Variants in FGF12 observed in about 807,000 individuals in gnomAD.
The protein encoded by FGF12 is fibroblast growth factor 12.
A neutral mutation model predicts 23.6 loss-of-function variants in FGF12; 14 were observed. The ratio of observed to expected loss-of-function variants is 0.59; its 90% CI spans 0.39 to 0.93. The LOEUF is 0.93. FGF12 is among the 40% of genes least tolerant of loss of function. The pLI, the probability that FGF12 is intolerant of heterozygous loss-of-function variation, is 0.00. For missense variants in FGF12, 175 were observed against 217.8 expected (o/e 0.80, Z 1.24); for synonymous variants, 62 against 77.3 (o/e 0.80, Z 1.04).
chr3:192,222,429 T>C (rs1718524778), intron 4 of FGF12, among the ~76,000 whole-genome samples: 1 of 152,154 alleles, frequency 6.6e-6, no homozygotes, highest in South Asian at 2.1e-4. Context: ...AACATGATTA[T>C]TGGATTCCAG....
At chr3:192,159,013 A>C (rs1714714334) in intron 5 of FGF12, among the ~76,000 whole-genome samples, 1 of 152,048 alleles carries the variant, frequency 6.6e-6, no homozygotes, top group Non-Finnish European at 1.5e-5. Context: ...TGTTCCCATC[A>C]GTATATGAAT....
intron 2 of FGF12, among the ~76,000 whole-genome samples, chr3:192,555,847 T>A (rs1037300819): frequency 6.6e-6 from 1 of 151,682 alleles, no homozygotes; most frequent in Non-Finnish European, 1.5e-5. Context: ...GCATAGTGTG[T>A]GCACGGGGAG....
At chr3:192,522,185 G>A (rs1398804486) in intron 2 of FGF12, among the ~76,000 whole-genome samples, 1 of 141,214 alleles carries the variant, frequency 7.1e-6, no homozygotes, top group African/African-American at 2.7e-5. Context: ...GCGACAGAGC[G>A]AGACTCCGTC....
chr3:192,246,901 GAAGA>G (rs928903638), intron 4 of FGF12, among the ~76,000 whole-genome samples: 1 of 138,626 alleles, frequency 7.2e-6, no homozygotes, highest in Non-Finnish European at 1.5e-5. Flanking sequence ...GAGGAAGAAA[GAAGA>G]AAGAAAGAGA....
At chr3:192,250,152 T>C (rs1711911390) in intron 4 of FGF12, among the ~76,000 whole-genome samples, 1 of 152,224 alleles carries the variant, frequency 6.6e-6, no homozygotes, top group African/African-American at 2.4e-5. Context: ...ATATTAAATC[T>C]GACATAATAA....
intron 4 of FGF12, among the ~76,000 whole-genome samples, chr3:192,315,649 C>T (rs982209193): frequency 6.6e-6 from 1 of 152,116 alleles, no homozygotes; most frequent in South Asian, 2.1e-4. Context: ...ACCCAATAAA[C>T]ATTCAAATAT....
rs1723585337 is a variant in FGF12 at position 192,484,847 on chromosome 3, C to A, written c.14-124309G>T. 2.0e-5 allele frequency among the ~76,000 whole-genome samples: 3 copies of A among 152,154 alleles called. 1 individual carries two copies. In the South Asian group the frequency reaches 6.2e-4, roughly 32 times the overall value. On this transcript the variant is annotated intron_variant, in intron 2 of 5. Transcript: ENST00000445105. Reference sequence around the variant, plus strand: ...TGCAACTTGTTGGCTATTTTCTAGACCAGAGCTCAGTTCAAAGACAACAAT... The same window carrying A: ...TGCAACTTGTTGGCTATTTTCTAGAACAGAGCTCAGTTCAAAGACAACAAT...
At chr3:192,181,746 T>C (rs866199400) in intron 4 of FGF12, among the ~76,000 whole-genome samples, 2 of 149,142 alleles carry the variant, frequency 1.3e-5, no homozygotes, top group African/African-American at 4.9e-5. Context: ...TTCTCCTGCC[T>C]CAGCCTCCCA....
chr3:192,473,344 C>A (rs966919927), intron 2 of FGF12, among the ~76,000 whole-genome samples: 5 of 152,136 alleles, frequency 3.3e-5, no homozygotes, highest in African/African-American at 1.2e-4. Flanking sequence ...GTTTTCTAGA[C>A]CAGATGACAT....
chr3:192,645,767 T>TAAA lies in FGF12; in HGVS notation c.13+81411_13+81413dup, dbSNP rs55809400. Among the ~76,000 whole-genome samples the TAAA allele has an allele frequency of 5.6e-5, 4 of 71,064 alleles. 1 individual carries two copies. The highest frequency in any genetic ancestry group is 2.0e-4 in the African/African-American group (4 of 19,790). The allele number at this position is 71,064 out of a possible 152,430, so 46.6% of individuals were successfully genotyped here. The stretch of plus-strand genomic sequence containing the variant: ...AGGATACAGCAGTTGACAAAACAGG[T>TAAA]AAAAAAAAAAAAAAAAAAAAAAAAA... On this transcript the variant is annotated intron_variant, in intron 2 of 5. Transcript: ENST00000445105.
At chr3:192,173,621 C>T (rs1715694849) in intron 4 of FGF12, among the ~76,000 whole-genome samples, 2 of 151,574 alleles carry the variant, frequency 1.3e-5, no homozygotes, top group Non-Finnish European at 2.9e-5. Context: ...AAAATAATCC[C>T]AAAGCTTTTT....
chr3:192,493,290 T>C (rs1210759770), intron 2 of FGF12, among the ~76,000 whole-genome samples: 1 of 152,164 alleles, frequency 6.6e-6, no homozygotes, highest in Non-Finnish European at 1.5e-5. Context: ...AATCTGTGAG[T>C]CTACATATAA....
chr3:192,714,609 C>G lies in FGF12; in HGVS notation c.13+12572G>C, dbSNP rs918647972. 8.0e-5 allele frequency among the ~76,000 whole-genome samples: 12 copies of G among 149,290 alleles called. 1 individual carries two copies. The South Asian group carries it at 2.6e-3, about 32-fold the overall frequency. On this transcript the variant is annotated intron_variant, in intron 2 of 5. Transcript: ENST00000445105. ...TCTCGGCTCACTGCAAGCTCCGCCTCCCGGGTTCACGCCATTCTCCTGCCT... is the reference window on the plus strand; with the variant it reads ...TCTCGGCTCACTGCAAGCTCCGCCTGCCGGGTTCACGCCATTCTCCTGCCT...
chr3:192,586,629 C>T (rs1713384635), intron 2 of FGF12, among the ~76,000 whole-genome samples: 1 of 152,096 alleles, frequency 6.6e-6, no homozygotes. Flanking sequence ...TATAACTTTG[C>T]CTGAACTGGA....
At chr3:192,648,955 C>A (rs1716110832) in intron 2 of FGF12, among the ~76,000 whole-genome samples, 1 of 152,110 alleles carries the variant, frequency 6.6e-6, no homozygotes, top group Non-Finnish European at 1.5e-5. Context: ...GGAATGATTT[C>A]AAGTCATCCT....
intron 2 of FGF12, among the ~76,000 whole-genome samples, chr3:192,518,054 T>C (rs2108844325): frequency 6.6e-6 from 1 of 152,310 alleles, no homozygotes; most frequent in African/African-American, 2.4e-5. Context: ...CTTTTCTCCT[T>C]TCTGTGTATT....
At chr3:192,245,933 T>G (rs1013243889) in intron 4 of FGF12, among the ~76,000 whole-genome samples, 22 of 152,166 alleles carry the variant, frequency 1.4e-4, no homozygotes, top group African/African-American at 5.3e-4. Flanking sequence ...AAGTGATTAG[T>G]AGGACAATTA....
At chr3:192,480,980 A>G (rs1723464138) in intron 2 of FGF12, among the ~76,000 whole-genome samples, 1 of 152,214 alleles carries the variant, frequency 6.6e-6, no homozygotes, top group Admixed American at 6.5e-5. Flanking sequence ...AATTGGTCAG[A>G]CATAACATGA....
intron 2 of FGF12, among the ~76,000 whole-genome samples, chr3:192,394,551 C>G (rs2108764710): frequency 6.6e-6 from 1 of 152,216 alleles, no homozygotes; most frequent in East Asian, 1.9e-4. Context: ...AATAATAAAG[C>G]TGAAAGGAAT....
Sources: gnomAD v4.1 joint callset for allele counts (sites outside exome capture counted in the v4.1 genomes callset) on GRCh38, gnomAD v4.1.1 for gene constraint, MANE v1.5 for transcripts, NCBI Gene and HGNC (gene_info 2026-07-23, HGNC 2026-07-21) for gene names.